Variants in WDPCP observed in about 807,000 individuals in gnomAD.
WDPCP encodes WD repeat containing planar cell polarity effector, also known as WD repeat-containing and planar cell polarity effector protein fritz homolog.
WDPCP carries 71 observed loss-of-function variants against 93.1 expected under a neutral mutation model. The observed-to-expected ratio is 0.76, with a 90% CI of 0.63 to 0.93. The LOEUF is 0.93. Ranked by LOEUF, WDPCP falls within the 40% of genes least tolerant of loss-of-function variation. The pLI, the probability that WDPCP is intolerant of heterozygous loss-of-function variation, is 0.00. For missense variants in WDPCP, 844 were observed against 887.4 expected (o/e 0.95, Z 0.62); for synonymous variants, 315 against 315.0 (o/e 1.00, Z 0.00).
intron 3 of WDPCP, among the ~76,000 whole-genome samples, chr2:63,627,159 T>C (rs1709818858): frequency 6.6e-6 from 1 of 152,190 alleles, no homozygotes; most frequent in South Asian, 2.1e-4. Context: ...ATTCTCAGTT[T>C]TCCAATAACA....
chr2:63,278,328 C>T (rs1485027033), intron 13 of WDPCP, among the ~76,000 whole-genome samples: 2 of 152,038 alleles, frequency 1.3e-5, no homozygotes, highest in Admixed American at 1.3e-4. Context: ...CACAAAGAGA[C>T]AATCTAAAGT....
At position 63,313,853 on chromosome 2, in the gene WDPCP, C is replaced by T. The variant is rs61304413; in HGVS notation, c.1749-542G>A. Among the ~76,000 whole-genome samples, 3 of 38,524 alleles carry T rather than the reference C, an allele frequency of 7.8e-5. No individual in the cohort carries two copies. The South Asian group carries it at 3.7e-3, about 48-fold the overall frequency. The allele number at this position is 38,524 out of a possible 152,430, so 25.3% of individuals were successfully genotyped here. A position where few individuals can be genotyped will look rare whatever the true frequency, so the allele number is the denominator to read the frequency against. ...TATCTGGCAATACTAATTATTCATACATATATATATATATATATATATATA... is the reference window on the plus strand; with the variant it reads ...TATCTGGCAATACTAATTATTCATATATATATATATATATATATATATATA... On this transcript the variant is annotated intron_variant, in intron 12 of 17. Transcript: ENST00000272321.
chr2:63,413,626 T>G (rs1340121899), intron 9 of WDPCP, among the ~76,000 whole-genome samples: 2 of 152,018 alleles, frequency 1.3e-5, no homozygotes, highest in Non-Finnish European at 2.9e-5. Flanking sequence ...TGAAATCCCA[T>G]CTCTACTAAA....
At chr2:63,616,863 C>CT (rs1273497869) in intron 3 of WDPCP, among the ~76,000 whole-genome samples, 8 of 151,942 alleles carry the variant, frequency 5.3e-5, no homozygotes, top group Non-Finnish European at 8.8e-5. Flanking sequence ...CAACAAAATG[C>CT]TTTTTTTTAA....
intron 12 of WDPCP, among the ~76,000 whole-genome samples, chr2:63,362,281 GT>G (rs1690541078): frequency 3.9e-5 from 4 of 103,314 alleles, no homozygotes; most frequent in East Asian, 4.9e-4. Flanking sequence ...TTTTGGTTGT[GT>G]GTGTGTGTGT....
chr2:63,341,032 A>G (rs1338563863), intron 12 of WDPCP, among the ~76,000 whole-genome samples: 1 of 152,072 alleles, frequency 6.6e-6, no homozygotes, highest in Non-Finnish European at 1.5e-5. Context: ...TTTAATTTCA[A>G]TATATTTCTG....
intron 9 of WDPCP, among the ~76,000 whole-genome samples, chr2:63,426,503 G>T (rs1475153242): frequency 6.6e-6 from 1 of 152,132 alleles, no homozygotes; most frequent in African/African-American, 2.4e-5. Flanking sequence ...TAATGCTAAG[G>T]GAATTCATTA....
rs562370324 is a variant in WDPCP, at chr2:63,453,938, G to A, written c.385-14067C>T. On this transcript the variant is annotated intron_variant, in intron 6 of 17. Coordinates refer to ENST00000272321, the MANE Select transcript of WDPCP (RefSeq NM_015910.7). Reference sequence around the variant, plus strand: ...GGTAAGGAACGGAACATCACACACTGGGGCCTGTTGTGGGGTGGGGGGAGG... The same window carrying A: ...GGTAAGGAACGGAACATCACACACTAGGGCCTGTTGTGGGGTGGGGGGAGG... Among the ~76,000 whole-genome samples the A allele has an allele frequency of 2.2e-3, 299 of 137,502 alleles. 2 individuals are homozygous for A. The highest frequency in any genetic ancestry group is 8.1e-3 in the African/African-American group (286 of 35,438). The allele number at this position is 137,502 out of a possible 152,430, so 90.2% of individuals were successfully genotyped here.
intron 3 of WDPCP, among the ~76,000 whole-genome samples, chr2:63,602,498 G>A (rs1709442914): frequency 6.6e-6 from 1 of 151,958 alleles, no homozygotes; most frequent in Admixed American, 6.5e-5. Flanking sequence ...GGAAGTTGAT[G>A]AACTACACAA....
At chr2:63,459,555 TTATA>T (rs981639147) in intron 6 of WDPCP, among the ~76,000 whole-genome samples, 1 of 152,176 alleles carries the variant, frequency 6.6e-6, no homozygotes, top group Non-Finnish European at 1.5e-5. Flanking sequence ...AAGGGAACTC[TTATA>T]TACTGTTGGT....
intron 13 of WDPCP, among the ~76,000 whole-genome samples, chr2:63,300,113 A>T (rs1685209486): frequency 6.6e-6 from 1 of 151,966 alleles, no homozygotes; most frequent in South Asian, 2.1e-4. Flanking sequence ...CTCAAACTGG[A>T]CTATAAACTT....
At chr2:63,165,400 G>C (rs1672888141) in intron 15 of WDPCP, among the ~76,000 whole-genome samples, 1 of 151,966 alleles carries the variant, frequency 6.6e-6, no homozygotes, top group Non-Finnish European at 1.5e-5. Flanking sequence ...GGATCCAAGT[G>C]TTGGATTTTT....
chr2:63,683,477 A>G (rs1305464081), intron 2 of WDPCP, among the ~76,000 whole-genome samples: 1 of 152,114 alleles, frequency 6.6e-6, no homozygotes, highest in Non-Finnish European at 1.5e-5. Context: ...TTAAAATATC[A>G]TATTATGATA....
rs1469088623 is a variant in WDPCP at position 63,404,045 on chromosome 2, T to C, written c.1435+3A>G. On this transcript the variant is annotated splice_donor_region_variant and intron_variant, in intron 10 of 17. Transcript: ENST00000272321. The stretch of plus-strand genomic sequence containing the variant: ...TACTTACTCATCACTTTCCTTGACT[T>C]ACCTAGTTTAAACAACAGCACACCC... 2 of 1,614,056 alleles carry C rather than the reference T, an allele frequency of 1.2e-6. No individual in the cohort carries two copies. Among genetic ancestry groups the C allele is most frequent in the Admixed American group, 1.7e-5 (1 of 60,002 alleles).
intron 12 of WDPCP, among the ~76,000 whole-genome samples, chr2:63,329,529 A>G (rs899114109): frequency 1.3e-5 from 2 of 152,162 alleles, no homozygotes; most frequent in Non-Finnish European, 1.5e-5. Context: ...GAGATTGACT[A>G]ATCCTCACAG....
chr2:63,660,296 C>G (rs1432981545), intron 2 of WDPCP, among the ~76,000 whole-genome samples: 2 of 152,178 alleles, frequency 1.3e-5, no homozygotes, highest in Admixed American at 6.5e-5. Flanking sequence ...ATCTAAGCTC[C>G]ACCCTTAAAA....
chr2:63,256,218 G>C (rs1490839069), intron 14 of WDPCP, among the ~76,000 whole-genome samples: 1 of 152,018 alleles, frequency 6.6e-6, no homozygotes, highest in African/African-American at 2.4e-5. Context: ...GATTTATATG[G>C]AAGGATAGCC....
chr2:63,773,235 G>A (rs1347177739), intron 2 of WDPCP, among the ~76,000 whole-genome samples: 1 of 152,052 alleles, frequency 6.6e-6, no homozygotes, highest in Non-Finnish European at 1.5e-5. Context: ...ATATACTCAT[G>A]TAATGGTATA....
chr2:63,710,917 G>A (rs1294911334), intron 2 of WDPCP, among the ~76,000 whole-genome samples: 1 of 152,192 alleles, frequency 6.6e-6, no homozygotes, highest in African/African-American at 2.4e-5. Context: ...GAAAAGGCAG[G>A]CTCATGCTGG....
Sources: gnomAD v4.1 joint callset for allele counts (sites outside exome capture counted in the v4.1 genomes callset) on GRCh38, gnomAD v4.1.1 for gene constraint, MANE v1.5 for transcripts, NCBI Gene and HGNC (gene_info 2026-07-23, HGNC 2026-07-21) for gene names.